Variants in SH3KBP1 observed in about 807,000 individuals in gnomAD.
The protein encoded by SH3KBP1 is SH3 domain-containing kinase-binding protein 1.
A neutral mutation model predicts 50.1 loss-of-function variants in SH3KBP1; 8 were observed. That is an observed-to-expected ratio of 0.16 (90% CI 0.09 to 0.29). The LOEUF is 0.29. SH3KBP1 is among the 10% of genes least tolerant of loss of function. The pLI is 1.00. For missense variants in SH3KBP1, 377 were observed against 535.2 expected (o/e 0.70, Z 2.92); for synonymous variants, 227 against 218.6 (o/e 1.04, Z -0.34).
intron 13 of SH3KBP1, among the ~76,000 whole-genome samples, chrX:19,550,539 T>C (rs2065209975): frequency 9.0e-6 from 1 of 111,519 alleles, no homozygotes; most frequent in African/African-American, 3.3e-5. Flanking sequence ...GCAGTCCTGC[T>C]CCTCTGCACT....
intron 1 of SH3KBP1, among the ~76,000 whole-genome samples, chrX:19,837,325 A>T (rs975715666): frequency 3.6e-5 from 4 of 112,002 alleles, no homozygotes; most frequent in South Asian, 3.7e-4. Flanking sequence ...AACAGGTAAG[A>T]AAGGTGGGTC....
intron 6 of SH3KBP1, among the ~76,000 whole-genome samples, chrX:19,651,711 C>T (rs1281026262): frequency 9.0e-6 from 1 of 111,498 alleles, no homozygotes; most frequent in African/African-American, 3.3e-5. Context: ...GTATATCACA[C>T]TTGCTGGGGG....
chrX:19,731,920 TTAAGATCAGATCAC>T (rs2064390906), intron 3 of SH3KBP1, among the ~76,000 whole-genome samples: 1 of 111,966 alleles, frequency 8.9e-6, no homozygotes, highest in Non-Finnish European at 1.9e-5. Flanking sequence ...AAAAATTCAT[TTAAGATCAGATCAC>T]TAAGATCAGA....
chrX:19,761,267 A>T (rs1205616404), intron 2 of SH3KBP1, among the ~76,000 whole-genome samples: 10 of 78,037 alleles, frequency 1.3e-4, no homozygotes, highest in Non-Finnish European at 7.3e-5. Context: ...AGAGAGAGAG[A>T]GAAGAGAGGA....
intron 8 of SH3KBP1, among the ~76,000 whole-genome samples, chrX:19,626,309 G>A (rs1254931690): frequency 9.0e-6 from 1 of 111,346 alleles, no homozygotes; most frequent in Admixed American, 9.6e-5. Context: ...AAAATTCCTG[G>A]TTTGAATTTT....
chrX:19,697,331 G>T (rs2063441078), intron 4 of SH3KBP1, among the ~76,000 whole-genome samples: 1 of 112,196 alleles, frequency 8.9e-6, no homozygotes, highest in African/African-American at 3.2e-5. Flanking sequence ...CAAAAGTCCA[G>T]TTCGAATTTT....
At chrX:19,573,060 G>A (rs1254987025) in intron 12 of SH3KBP1, among the ~76,000 whole-genome samples, 3 of 111,794 alleles carry the variant, frequency 2.7e-5, no homozygotes, top group Non-Finnish European at 3.8e-5. Context: ...ACATTTGCCA[G>A]ATTTTCTGAA....
At chrX:19,567,426 G>A (rs758554194) in intron 13 of SH3KBP1, among the ~76,000 whole-genome samples, 1 of 98,207 alleles carries the variant, frequency 1.0e-5, no homozygotes, top group Non-Finnish European at 2.0e-5. Context: ...CGCTGGGGTG[G>A]GAGGATCGCT....
intron 1 of SH3KBP1, among the ~76,000 whole-genome samples, chrX:19,839,623 T>C (rs1026685186): frequency 3.6e-5 from 4 of 112,459 alleles, no homozygotes; most frequent in African/African-American, 1.3e-4. Flanking sequence ...ACCCTGGCCA[T>C]TGCCCTTTCT....
intron 4 of SH3KBP1, among the ~76,000 whole-genome samples, chrX:19,698,814 ACACTGCCATGTGATTTCATTCATT>A (rs1253380341): frequency 8.9e-6 from 1 of 112,132 alleles, no homozygotes; most frequent in African/African-American, 3.2e-5. Flanking sequence ...GAGGACACGG[ACACTGCCATGTGATTTCATTCATT>A]CATTCATTCA....
At chrX:19,575,965 A>G (rs2066184058) in intron 12 of SH3KBP1, among the ~76,000 whole-genome samples, 2 of 111,516 alleles carry the variant, frequency 1.8e-5, no homozygotes, top group Admixed American at 1.9e-4. Flanking sequence ...AAAAAGGAAA[A>G]AGCCCATCCT....
intron 3 of SH3KBP1, among the ~76,000 whole-genome samples, chrX:19,715,254 A>G (rs2148703919): frequency 9.7e-6 from 1 of 103,246 alleles, no homozygotes; most frequent in African/African-American, 3.6e-5. Context: ...AGCCTGGGCG[A>G]CAGAGTGAGA....
intron 2 of SH3KBP1, among the ~76,000 whole-genome samples, chrX:19,804,482 G>C (rs1168149466): frequency 2.7e-5 from 3 of 111,261 alleles, no homozygotes; most frequent in African/African-American, 9.8e-5. Context: ...TGCTAAGATA[G>C]CTCATGTAGT....
chrX:19,852,064 G>A (rs1288393556), intron 1 of SH3KBP1, among the ~76,000 whole-genome samples: 2 of 111,659 alleles, frequency 1.8e-5, no homozygotes, highest in East Asian at 5.6e-4. Flanking sequence ...GACCAACAGA[G>A]TGGAGGAAAG....
intron 3 of SH3KBP1, among the ~76,000 whole-genome samples, chrX:19,724,665 G>A (rs908502307): frequency 8.8e-6 from 1 of 113,032 alleles, no homozygotes; most frequent in Non-Finnish European, 1.9e-5. Flanking sequence ...GCCAGGTTTG[G>A]CCCATGGGCC....
At chrX:19,651,231 C>T (rs1408900900) in intron 6 of SH3KBP1, among the ~76,000 whole-genome samples, 1 of 110,796 alleles carries the variant, frequency 9.0e-6, no homozygotes, top group Non-Finnish European at 1.9e-5. Context: ...GTGTGCTTCC[C>T]CGGAAGCTTT....
chrX:19,730,763 C>T (rs2064352638), intron 3 of SH3KBP1, among the ~76,000 whole-genome samples: 1 of 111,225 alleles, frequency 9.0e-6, no homozygotes, highest in Admixed American at 9.5e-5. Context: ...ATTAACTTTC[C>T]CTCCCTGGTC....
At chrX:19,782,698 C>T (rs972316003) in intron 2 of SH3KBP1, among the ~76,000 whole-genome samples, 7 of 112,184 alleles carry the variant, frequency 6.2e-5, no homozygotes, top group Non-Finnish European at 1.3e-4. Context: ...TCTGTCACCG[C>T]TCTGACAGTT....
chrX:19,871,466 G>A (rs2069038281), intron 1 of SH3KBP1, among the ~76,000 whole-genome samples: 1 of 112,357 alleles, frequency 8.9e-6, no homozygotes, highest in African/African-American at 3.2e-5. Flanking sequence ...TAAAGTATAT[G>A]GTACATATTA....
Sources: allele counts gnomAD v4.1 joint callset (sites outside exome capture counted in the v4.1 genomes callset), GRCh38; gene constraint gnomAD v4.1.1; transcripts MANE v1.5; gene names NCBI Gene and HGNC (gene_info 2026-07-23, HGNC 2026-07-21).